ROBO1: variants seen among roughly 807,000 people sequenced by gnomAD.
The protein encoded by ROBO1 is roundabout guidance receptor 1.
Under a neutral mutation model 195.9 loss-of-function variants are expected in ROBO1, and 149 were observed. The observed-to-expected ratio is 0.76, with a 90% CI of 0.67 to 0.87. The LOEUF (loss-of-function observed/expected upper bound fraction) is 0.87. ROBO1 is among the 40% of genes least tolerant of loss of function. The pLI is 0.00. For synonymous variants in ROBO1, 816 were observed against 733.2 expected (o/e 1.11, Z -1.82); for missense variants, 1,933 against 2,068.3 (o/e 0.93, Z 1.27).
At chr3:79,145,103 G>A (rs182466554) in intron 2 of ROBO1, among the ~76,000 whole-genome samples, 6 of 151,646 alleles carry the variant, frequency 4.0e-5, no homozygotes, top group African/African-American at 1.5e-4. Flanking sequence ...AAGTTGGTTT[G>A]GTTTGTCATC....
At chr3:79,244,502 C>T (rs2082585578) in intron 2 of ROBO1, among the ~76,000 whole-genome samples, 1 of 152,080 alleles carries the variant, frequency 6.6e-6, no homozygotes, top group African/African-American at 2.4e-5. Context: ...AAGTTTATTG[C>T]AAAATTCTCC....
chr3:79,021,267 T>C (rs1414523528), intron 3 of ROBO1, among the ~76,000 whole-genome samples: 1 of 152,146 alleles, frequency 6.6e-6, no homozygotes, highest in Non-Finnish European at 1.5e-5. Flanking sequence ...ATAGAATATA[T>C]CTCTTTTTTC....
At chr3:78,696,125 G>GAAAAAA (rs34340807) in intron 8 of ROBO1, among the ~76,000 whole-genome samples, 1 of 108,704 alleles carries the variant, frequency 9.2e-6, no homozygotes. Context: ...GAAAGAATCA[G>GAAAAAA]AAAAAAAAAA....
At chr3:78,985,151 A>C (rs1383780071) in intron 3 of ROBO1, among the ~76,000 whole-genome samples, 2 of 152,036 alleles carry the variant, frequency 1.3e-5, no homozygotes, top group South Asian at 2.1e-4. Context: ...CCATCTCTAC[A>C]AAAAATAGCA....
intron 2 of ROBO1, among the ~76,000 whole-genome samples, chr3:79,454,663 T>C (rs570093428): frequency 2.6e-4 from 39 of 152,210 alleles, no homozygotes; most frequent in African/African-American, 7.9e-4. Context: ...TCAAAGTACC[T>C]CTGTGGATAC....
chr3:79,629,308 G>A (rs1477868615), intron 1 of ROBO1, among the ~76,000 whole-genome samples: 1 of 151,940 alleles, frequency 6.6e-6, no homozygotes, highest in African/African-American at 2.4e-5. Flanking sequence ...TGTCTTCTCA[G>A]AACATAGAAT....
intron 3 of ROBO1, among the ~76,000 whole-genome samples, chr3:79,119,376 C>A (rs2080073929): frequency 6.6e-6 from 1 of 152,098 alleles, no homozygotes; most frequent in African/African-American, 2.4e-5. Flanking sequence ...AACCATTTTT[C>A]TTTTTCTCTG....
At chr3:78,955,761 CTG>C (rs1392000569) in intron 3 of ROBO1, among the ~76,000 whole-genome samples, 8 of 152,084 alleles carry the variant, frequency 5.3e-5, no homozygotes, top group Admixed American at 5.2e-4. Flanking sequence ...TTAAGGATAA[CTG>C]TCTAAAAACA....
chr3:78,732,060 A>C (rs149484193), intron 5 of ROBO1, among the ~76,000 whole-genome samples: 59 of 152,226 alleles, frequency 3.9e-4, no homozygotes, highest in Non-Finnish European at 8.2e-4. Flanking sequence ...ATTTTGGATT[A>C]GAAAATTAAG....
chr3:79,665,549 A>G (rs1274743318), intron 1 of ROBO1, among the ~76,000 whole-genome samples: 2 of 151,894 alleles, frequency 1.3e-5, no homozygotes, highest in Non-Finnish European at 2.9e-5. Flanking sequence ...GTAATTCAAT[A>G]GCCGTGAGGT....
At chr3:78,649,600 T>C (rs1375930100) in intron 19 of ROBO1, among the ~76,000 whole-genome samples, 2 of 152,208 alleles carry the variant, frequency 1.3e-5, no homozygotes, top group African/African-American at 4.8e-5. Flanking sequence ...TCTTTTTTTC[T>C]TAAAATTACT....
rs1702940971 is a variant in ROBO1 at position 78,598,000 on chromosome 3, ACAAAAAT to A, written c.*906_*912del. On this transcript the variant is annotated 3_prime_UTR_variant, in exon 31 of 31. Coordinates refer to ENST00000464233, the MANE Select transcript of ROBO1 (RefSeq NM_002941.4). ...AGATTAAAAACAGTGCATTACAAAAACAAAAATCAAACTTCCTTAAGTGGCACTTCTG... is the reference window on the plus strand; with the variant it reads ...AGATTAAAAACAGTGCATTACAAAAACAAACTTCCTTAAGTGGCACTTCTG... The A allele has an allele frequency of 6.6e-6, 1 of 152,548 alleles. No individual in the cohort carries two copies. The highest frequency in any genetic ancestry group is 2.4e-5 in the African/African-American group (1 of 41,438). 9.4% of individuals were successfully genotyped at this position (152,548 alleles called of 1,614,324 possible).
intron 2 of ROBO1, among the ~76,000 whole-genome samples, chr3:79,231,040 C>T (rs1280520982): frequency 2.0e-5 from 3 of 152,080 alleles, no homozygotes; most frequent in Admixed American, 6.6e-5. Context: ...AAGCTGGACC[C>T]CTTCCTTACA....
intron 3 of ROBO1, among the ~76,000 whole-genome samples, chr3:79,061,873 G>A (rs569529095): frequency 4.6e-5 from 7 of 151,348 alleles, no homozygotes. Context: ...AGACTTAAAT[G>A]TTAGACCTAA....
intron 2 of ROBO1, among the ~76,000 whole-genome samples, chr3:79,370,191 T>C (rs1359279623): frequency 1.3e-5 from 2 of 149,680 alleles, no homozygotes; most frequent in Non-Finnish European, 3.0e-5. Context: ...CTCGTCTCTA[T>C]TAAAAATTGG....
Position 78,597,360 on chromosome 3 carries a change from T to TAATC in ROBO1, c.*1549_*1552dup, listed in dbSNP as rs963416371. The TAATC allele has an allele frequency of 6.6e-6, 1 of 152,564 alleles. No homozygotes were observed. Among genetic ancestry groups the TAATC allele is most frequent in the Admixed American group, 6.5e-5 (1 of 15,272 alleles). 9.5% of individuals were successfully genotyped at this position (152,564 alleles called of 1,614,324 possible). A position where few individuals can be genotyped will look rare whatever the true frequency, so the allele number is the denominator to read the frequency against. On this transcript the variant is annotated 3_prime_UTR_variant, in exon 31 of 31. Transcript: ENST00000464233. The stretch of plus-strand genomic sequence containing the variant: ...TCTTACATGAACATAATGAAAACAT[T>TAATC]AATCACATGGATTGTTCCCTTAGTA...
chr3:78,758,781 C>T (rs2083010990), intron 4 of ROBO1, among the ~76,000 whole-genome samples: 1 of 75,154 alleles, frequency 1.3e-5, no homozygotes, highest in South Asian at 4.6e-4. Context: ...CAACCCCTCA[C>T]CTGAACCTCT....
intron 4 of ROBO1, among the ~76,000 whole-genome samples, chr3:78,870,134 C>G (rs570725924): frequency 5.3e-5 from 8 of 152,228 alleles, no homozygotes; most frequent in African/African-American, 1.9e-4. Context: ...GCATTTTTGT[C>G]TTTCATTTGT....
chr3:78,924,403 T>C (rs1452711187), intron 4 of ROBO1, among the ~76,000 whole-genome samples: 1 of 152,144 alleles, frequency 6.6e-6, no homozygotes, highest in African/African-American at 2.4e-5. Flanking sequence ...ATTGTAGCAT[T>C]TCAGGGCAAG....
Sources: gnomAD v4.1 joint callset for allele counts (sites outside exome capture counted in the v4.1 genomes callset) on GRCh38, gnomAD v4.1.1 for gene constraint, MANE v1.5 for transcripts, NCBI Gene and HGNC (gene_info 2026-07-23, HGNC 2026-07-21) for gene names.